The following DYNC2H1 variants were observed in gnomAD, a reference collection of about 807,000 sequenced individuals.
The protein encoded by DYNC2H1 is dynein cytoplasmic 2 heavy chain 1.
Under a neutral mutation model 570.0 loss-of-function variants are expected in DYNC2H1, and 410 were observed. The ratio of observed to expected loss-of-function variants is 0.72; its 90% CI spans 0.66 to 0.78. DYNC2H1 has a LOEUF of 0.78. Among genes scored for constraint, DYNC2H1 ranks in the 30% least tolerant of loss-of-function variants. The pLI, the probability that DYNC2H1 is intolerant of heterozygous loss-of-function variation, is 0.00. For synonymous variants in DYNC2H1, 1,688 were observed against 1,677.6 expected, an observed-to-expected ratio of 1.01 and a Z score of -0.15; for missense variants, 4,865 against 5,046.4, an observed-to-expected ratio of 0.96 and a Z score of 1.09.
chr11:103,302,798 G>C (rs1867102531), intron 75 of DYNC2H1, among the ~76,000 whole-genome samples: 1 of 151,932 alleles, frequency 6.6e-6, no homozygotes, highest in Non-Finnish European at 1.5e-5. Flanking sequence ...CCTGTATTGT[G>C]GTCTCAATTT....
chr11:103,151,455 T>A lies in DYNC2H1; in HGVS notation c.2947-681T>A, dbSNP rs1323373951. ...ATGCATACTGATATTTAAAAATGTT[T>A]AAATGGATTTTATTGCTTTATTGAA... On this transcript the variant is annotated intron_variant, in intron 20 of 88. Transcript: ENST00000375735. The surrounding 1 kb of genome is among the most constrained non-coding windows in gnomAD (Gnocchi z 4.6). Among the ~76,000 whole-genome samples the A allele has an allele frequency of 6.6e-6, 1 of 152,204 alleles. No individual in the cohort carries two copies. The highest frequency in any genetic ancestry group is 6.6e-5 in the Admixed American group (1 of 15,266).
intron 31 of DYNC2H1, among the ~76,000 whole-genome samples, 189 bp downstream of exon 31, chr11:103,166,237 C>G (rs1169756015): frequency 6.6e-6 from 1 of 151,960 alleles, no homozygotes; most frequent in African/African-American, 2.4e-5. Context: ...AATATAGAAA[C>G]CTTACTACCA....
At chr11:103,271,840 C>T (rs1287665133) in intron 70 of DYNC2H1, among the ~76,000 whole-genome samples, 1 of 152,128 alleles carries the variant, frequency 6.6e-6, no homozygotes, top group Non-Finnish European at 1.5e-5. Context: ...CATCACTGGC[C>T]ATGAGAGAAA....
chr11:103,117,148 G>A (rs1472992498), intron 5 of DYNC2H1, among the ~76,000 whole-genome samples: 1 of 148,504 alleles, frequency 6.7e-6, no homozygotes, highest in Non-Finnish European at 1.5e-5. Context: ...ATAGCAATTA[G>A]GGATTGTTTA....
chr11:103,112,861 A>G lies in DYNC2H1; in HGVS notation c.196-676A>G, dbSNP rs1049513361. Among the ~76,000 whole-genome samples, 5 of 152,364 alleles carry G rather than the reference A, an allele frequency of 3.3e-5. 1 individual carries two copies. In the South Asian group the frequency reaches 1.0e-3, roughly 32 times the overall value. On this transcript the variant is annotated intron_variant, in intron 1 of 88. Coordinates refer to ENST00000375735, the MANE Select transcript of DYNC2H1 (RefSeq NM_001377.3). ...ATAGTTCTCAGCTAATGAACTCATT[A>G]CTATGAACTGACCTATTTTAAACAA...
intron 85 of DYNC2H1, among the ~76,000 whole-genome samples, chr11:103,452,421 A>G (rs1591778294): frequency 2.0e-5 from 3 of 152,124 alleles, no homozygotes; most frequent in Admixed American, 6.5e-5. Context: ...TTTTGTCACA[A>G]TAATTATATA....
chr11:103,468,472 C>A, intron 87 of DYNC2H1, 117 bp from the exon 88 acceptor site: 1 of 649,652 alleles, frequency 1.5e-6, no homozygotes, highest in Non-Finnish European at 2.6e-6. Context: ...TCTTTGTTTT[C>A]ATATATTTGG....
rs1441629111 is a variant in DYNC2H1 at position 103,199,662 on chromosome 11, A to C, written c.8088+186A>C. Among the ~76,000 whole-genome samples, 1 of 152,194 alleles carries C rather than the reference A, an allele frequency of 6.6e-6. No individual in the cohort carries two copies. Among genetic ancestry groups the C allele is most frequent in the Non-Finnish European group, 1.5e-5 (1 of 68,026 alleles). ...AGATTATTTTTTCCATGATTATTAG[A>C]AAATTACATTTTTATCTATAGACAG... On this transcript the variant is annotated intron_variant, in intron 49 of 88. Coordinates refer to ENST00000375735, the MANE Select transcript of DYNC2H1 (RefSeq NM_001377.3). The surrounding 1 kb of genome is among the most constrained non-coding windows in gnomAD (Gnocchi z 4.6).
chr11:103,130,205 G>A (rs1012688283), intron 13 of DYNC2H1, among the ~76,000 whole-genome samples: 12 of 152,254 alleles, frequency 7.9e-5, no homozygotes, highest in African/African-American at 2.9e-4. Flanking sequence ...TTTCTGCCTA[G>A]TATGCACTGA....
Position 103,395,268 on chromosome 11 carries a change from T to G in DYNC2H1, c.12157-4395T>G, listed in dbSNP as rs1396177109. On this transcript the variant is annotated intron_variant, in intron 83 of 88. Coordinates refer to ENST00000375735, the MANE Select transcript of DYNC2H1 (RefSeq NM_001377.3). The surrounding 1 kb of genome is among the most constrained non-coding windows in gnomAD (Gnocchi z 4.3). The stretch of plus-strand genomic sequence containing the variant: ...ATGATTGAAAAGGTGTTAAAATGTT[T>G]TTTTCATAGCTTGTTTCAAGAAACT... 6.6e-6 allele frequency among the ~76,000 whole-genome samples: 1 copy of G among 152,060 alleles called. No homozygotes were observed. The highest frequency in any genetic ancestry group is 1.5e-5 in the Non-Finnish European group (1 of 68,008).
In DYNC2H1 at chr11:103,293,840, G is replaced by T. The variant is rs372449255; in HGVS notation, c.11095+6235G>T. 5.3e-5 allele frequency among the ~76,000 whole-genome samples: 8 copies of T among 152,172 alleles called. No homozygotes were observed. In the East Asian group the frequency reaches 1.2e-3, roughly 22 times the overall value. On this transcript the variant is annotated intron_variant, in intron 75 of 88. Transcript: ENST00000375735. ...ACCTGTAATCTCAGCACTTTGGGAGGCCGAGTTGGGCGGATCACTTGAGGT... is the reference window on the plus strand; with the variant it reads ...ACCTGTAATCTCAGCACTTTGGGAGTCCGAGTTGGGCGGATCACTTGAGGT...
rs1865069473 is a variant in DYNC2H1 at position 103,256,678 on chromosome 11, T to A, written c.10461+438T>A. On this transcript the variant is annotated intron_variant, in intron 68 of 88. Transcript: ENST00000375735. This position sits in a 1 kb window ranked among gnomAD's most constrained non-coding sequence, Gnocchi z 4.0. ...CATGCTTATAATGAACAGTGCTGGG[T>A]ACTTTATTATCCTAATGTGGACACC... Among the ~76,000 whole-genome samples the A allele has an allele frequency of 1.3e-5, 2 of 152,136 alleles. No individual in the cohort carries two copies. Among genetic ancestry groups the A allele is most frequent in the South Asian group, 4.1e-4 (2 of 4,822 alleles).
At chr11:103,131,919 T>C (rs1859297825) in intron 13 of DYNC2H1, among the ~76,000 whole-genome samples, 1 of 152,174 alleles carries the variant, frequency 6.6e-6, no homozygotes, top group East Asian at 1.9e-4. Context: ...AGAATCCTTT[T>C]TTAACTTTAT....
At chr11:103,214,906 G>A (rs694041) in intron 54 of DYNC2H1, among the ~76,000 whole-genome samples, 114,594 of 150,556 alleles carry the variant, frequency 0.76, 43,888 homozygotes, top group Admixed American at 0.84. Context: ...TTATTTTTTT[G>A]TAGCTGCTGT....
intron 87 of DYNC2H1, 51 bp downstream of exon 87, chr11:103,456,407 A>G (rs1944791436): frequency 2.8e-6 from 4 of 1,442,278 alleles, no homozygotes; most frequent in South Asian, 1.2e-5. Flanking sequence ...ACCAACTGAT[A>G]TAAGAGATTC....
At chr11:103,276,319 T>C (rs1865904625) in intron 70 of DYNC2H1, among the ~76,000 whole-genome samples, 1 of 152,162 alleles carries the variant, frequency 6.6e-6, no homozygotes, top group Admixed American at 6.5e-5. Context: ...TTTCATTGTA[T>C]GTATGTTTTG....
At chr11:103,300,952 G>T (rs1867022003) in intron 75 of DYNC2H1, among the ~76,000 whole-genome samples, 1 of 151,670 alleles carries the variant, frequency 6.6e-6, no homozygotes, top group Non-Finnish European at 1.5e-5. Context: ...CATTTTTATT[G>T]TATAATACAT....
At position 103,204,735 on chromosome 11, in the gene DYNC2H1, C is replaced by T. The variant is rs1862857609; in HGVS notation, c.8312-87C>T. 1.0e-5 allele frequency: 10 copies of T among 966,972 alleles called. No individual in the cohort carries two copies. In the South Asian group the frequency reaches 1.3e-4, roughly 13 times the overall value. 59.9% of individuals were successfully genotyped at this position (966,972 alleles called of 1,614,324 possible). A position where few individuals can be genotyped will look rare whatever the true frequency, so the allele number is the denominator to read the frequency against. The stretch of plus-strand genomic sequence containing the variant: ...TGCTCGTTTTAAGAAACAACTCCTA[C>T]TATTTCATTTGAGAAAATTTTGATC... On this transcript the variant is annotated intron_variant, in intron 51 of 88. Coordinates refer to ENST00000375735, the MANE Select transcript of DYNC2H1 (RefSeq NM_001377.3). This position sits in a 1 kb window ranked among gnomAD's most constrained non-coding sequence, Gnocchi z 4.1.
chr11:103,443,486 C>T (rs1944333254), intron 85 of DYNC2H1, among the ~76,000 whole-genome samples: 1 of 151,710 alleles, frequency 6.6e-6, no homozygotes, highest in African/African-American at 2.4e-5. Flanking sequence ...TGGCTTAATA[C>T]TACCAATAAT....
Sources: allele counts gnomAD v4.1 joint callset (sites outside exome capture counted in the v4.1 genomes callset), GRCh38; gene constraint gnomAD v4.1.1; non-coding constraint Gnocchi (gnomAD v3.1); transcripts MANE v1.5; gene names NCBI Gene and HGNC (gene_info 2026-07-23, HGNC 2026-07-21).